The following TBC1D8 variants were observed in gnomAD, a reference collection of about 807,000 sequenced individuals.
The protein encoded by TBC1D8 is BUB2-like protein 1.
In TBC1D8, 65 loss-of-function variants were observed where a neutral mutation model predicts 118.8. That is an observed-to-expected ratio of 0.55 (90% CI 0.45 to 0.67). The LOEUF is 0.67. TBC1D8 is among the 30% of genes least tolerant of loss of function. The pLI, the probability that TBC1D8 is intolerant of heterozygous loss-of-function variation, is 0.00. For missense variants in TBC1D8, 1,376 were observed against 1,471.2 expected (o/e 0.94, Z 1.06); for synonymous variants, 566 against 595.8 (o/e 0.95, Z 0.73).
intron 1 of TBC1D8, among the ~76,000 whole-genome samples, chr2:101,117,270 A>C (rs909640620): frequency 1.3e-5 from 2 of 152,110 alleles, no homozygotes; most frequent in East Asian, 3.9e-4. Flanking sequence ...AGCCCTTAGA[A>C]ACTGAGACAA....
At chr2:101,118,150 G>C (rs1200341455) in intron 1 of TBC1D8, among the ~76,000 whole-genome samples, 10 of 152,144 alleles carry the variant, frequency 6.6e-5, no homozygotes, top group Non-Finnish European at 1.5e-4. Context: ...AACACAGCCA[G>C]ACCGCCATGT....
chr2:101,015,793 G>A (rs551830776), intron 17 of TBC1D8, among the ~76,000 whole-genome samples: 1 of 152,258 alleles, frequency 6.6e-6, no homozygotes, highest in Non-Finnish European at 1.5e-5. Flanking sequence ...CATGATCTTT[G>A]ACAAACCTGA....
intron 1 of TBC1D8, among the ~76,000 whole-genome samples, chr2:101,112,670 A>G (rs941903776): frequency 6.6e-6 from 1 of 152,196 alleles, no homozygotes; most frequent in Non-Finnish European, 1.5e-5. Context: ...TGGAGGCCTG[A>G]CTGCTCAGGG....
intron 5 of TBC1D8, among the ~76,000 whole-genome samples, chr2:101,042,550 T>C (rs992606851): frequency 6.6e-6 from 1 of 152,114 alleles, no homozygotes; most frequent in South Asian, 2.1e-4. Flanking sequence ...TCTAAAATGA[T>C]CCCCACAATA....
Position 101,054,672 on chromosome 2 carries a change from CTTT to C in TBC1D8, c.403-339_403-337del, listed in dbSNP as rs34465252. On this transcript the variant is annotated intron_variant, in intron 3 of 19. Transcript: ENST00000409318. ...ACAAACAATCATTTTCTTTTCTTTTCTTTTTTTTTTTTTTTTTTTTTTTTTTGG... is the reference window on the plus strand; with the variant it reads ...ACAAACAATCATTTTCTTTTCTTTTCTTTTTTTTTTTTTTTTTTTTTTTGG... Among the ~76,000 whole-genome samples the C allele has an allele frequency of 1.7e-3, 44 of 25,426 alleles. No individual in the cohort carries two copies. In the East Asian group the frequency reaches 0.028, roughly 16 times the overall value. 16.7% of individuals were successfully genotyped at this position (25,426 alleles called of 152,430 possible).
rs1211500827 is a variant in TBC1D8, at chr2:101,050,483, C to T, written c.790G>A (p.Asp264Asn). Residue 264 changes from aspartate to asparagine, a missense_variant, in exon 5 of 20, where the codon GAC (aspartate) becomes AAC (asparagine). Asp to Asn is a conservative substitution (Grantham distance 23, BLOSUM62 1). Coordinates refer to ENST00000409318, the MANE Select transcript of TBC1D8 (RefSeq NM_001330348.2). ...TCCAGCAGCCTTCGCAGCGTCACGT[C>T]GGCCAGCTGCTCCATGACCTTAAAC... ...EVFKVMEQLA[D>N]VTLRRLLDNE... 15 of 1,613,918 alleles carry T rather than the reference C, an allele frequency of 9.3e-6. No homozygotes were observed. Among genetic ancestry groups the T allele is most frequent in the Admixed American group, 6.7e-5 (4 of 60,016 alleles).
chr2:101,099,939 T>G (rs941657078), intron 1 of TBC1D8, among the ~76,000 whole-genome samples: 2 of 152,156 alleles, frequency 1.3e-5, no homozygotes, highest in Non-Finnish European at 2.9e-5. Context: ...GCATTTCCAT[T>G]GAAAACCAGT....
At chr2:101,091,298 A>G (rs1676019055) in intron 1 of TBC1D8, among the ~76,000 whole-genome samples, 1 of 152,212 alleles carries the variant, frequency 6.6e-6, no homozygotes, top group Non-Finnish European at 1.5e-5. Flanking sequence ...AAAAAGAAAA[A>G]GAAAAGAAAA....
chr2:101,033,372 G>T (rs2105390746), intron 10 of TBC1D8, 172 bp downstream of exon 10: 1 of 773,822 alleles, frequency 1.3e-6, no homozygotes. Context: ...TATAAGATGA[G>T]TAGTCCCTTT....
At chr2:101,054,381 G>A (rs1682259345) in intron 3 of TBC1D8, 45 bp from the exon 4 acceptor site, 1 of 1,541,812 alleles carries the variant, frequency 6.5e-7, no homozygotes, top group Non-Finnish European at 8.8e-7. Context: ...GCCAGCAATG[G>A]GAAGGCAGGG....
At chr2:101,133,102 G>C (rs1678666927) in intron 1 of TBC1D8, among the ~76,000 whole-genome samples, 1 of 149,776 alleles carries the variant, frequency 6.7e-6, no homozygotes, top group South Asian at 2.2e-4. Flanking sequence ...GGAGGTTGCA[G>C]TGAGCTGAGA....
At chr2:101,084,377 C>T (rs1013984511) in intron 2 of TBC1D8, among the ~76,000 whole-genome samples, 5 of 152,178 alleles carry the variant, frequency 3.3e-5, no homozygotes, top group African/African-American at 7.2e-5. Flanking sequence ...GGCGAAAACC[C>T]GTCTCCACTA....
chr2:101,080,883 G>A lies in TBC1D8; in HGVS notation c.283+9326C>T, dbSNP rs1055090112. 7.9e-5 allele frequency among the ~76,000 whole-genome samples: 12 copies of A among 151,376 alleles called. 1 individual carries two copies. The highest frequency in any genetic ancestry group is 6.6e-4 in the Admixed American group (10 of 15,148). On this transcript the variant is annotated intron_variant, in intron 2 of 19. Transcript: ENST00000409318. The stretch of plus-strand genomic sequence containing the variant: ...CTGCAGTCTCAACTTTCCAGGCCCC[G>A]TCCCACCTCAGCCTCCTGAGCAGCT...
chr2:101,151,367 C>G lies in TBC1D8; in HGVS notation c.-114G>C, dbSNP rs1573129645. 9 of 1,007,700 alleles carry G rather than the reference C, an allele frequency of 8.9e-6. No homozygotes were observed. The South Asian group carries it at 3.3e-4, about 36-fold the overall frequency. The allele number at this position is 1,007,700 out of a possible 1,614,324, so 62.4% of individuals were successfully genotyped here. ...CGGCGCGCGGGGACCACAGCCCGGC[C>G]GGTGCCCAGCGCTCTGAGAGCCCGC... On this transcript the variant is annotated 5_prime_UTR_variant, in exon 1 of 20. Transcript: ENST00000409318.
intron 1 of TBC1D8, among the ~76,000 whole-genome samples, chr2:101,096,796 G>GGGGA (rs1553418147): frequency 4.8e-5 from 7 of 146,602 alleles, no homozygotes; most frequent in East Asian, 4.1e-4. Flanking sequence ...AGAGAGAGGG[G>GGGGA]GAGAGAGAGA....
intron 17 of TBC1D8, among the ~76,000 whole-genome samples, chr2:101,012,144 A>G (rs1679263273): frequency 6.6e-6 from 1 of 152,232 alleles, no homozygotes; most frequent in Admixed American, 6.5e-5. Context: ...CCACTTTAGT[A>G]AACAGTCTGG....
intron 15 of TBC1D8, among the ~76,000 whole-genome samples, chr2:101,025,664 A>G (rs1030268511): frequency 2.0e-5 from 3 of 152,208 alleles, no homozygotes; most frequent in Non-Finnish European, 4.4e-5. Flanking sequence ...TACGCAGAAC[A>G]TGAAAGGAAG....
intron 5 of TBC1D8, among the ~76,000 whole-genome samples, chr2:101,049,055 T>C (rs1681888527): frequency 6.6e-6 from 1 of 152,204 alleles, no homozygotes; most frequent in Admixed American, 6.6e-5. Context: ...TGAATAATGC[T>C]GCTGCAAACA....
intron 1 of TBC1D8, among the ~76,000 whole-genome samples, chr2:101,143,414 A>G (rs1412862351): frequency 6.6e-6 from 1 of 152,202 alleles, no homozygotes; most frequent in Non-Finnish European, 1.5e-5. Context: ...AATAAAATCC[A>G]GTAGAATGAA....
Sources: allele counts gnomAD v4.1 joint callset (sites outside exome capture counted in the v4.1 genomes callset), GRCh38; gene constraint gnomAD v4.1.1; transcripts MANE v1.5; gene names NCBI Gene and HGNC (gene_info 2026-07-23, HGNC 2026-07-21).